The following NEBL variants were observed in gnomAD, a reference collection of about 807,000 sequenced individuals.
NEBL encodes LIM and SH3 protein 2.
NEBL carries 122 observed loss-of-function variants against 140.2 expected under a neutral mutation model. The observed-to-expected ratio is 0.87, with a 90% CI of 0.75 to 1.01. The LOEUF (loss-of-function observed/expected upper bound fraction) is 1.01. Among genes scored for constraint, NEBL ranks in the 50% least tolerant of loss-of-function variants. NEBL has a pLI of 0.00. For synonymous variants in NEBL, 436 were observed against 398.9 expected, an observed-to-expected ratio of 1.09 and a Z score of -1.11; for missense variants, 1,365 against 1,231.3, an observed-to-expected ratio of 1.11 and a Z score of -1.62.
At position 20,783,092 on chromosome 10, in the gene NEBL, C is replaced by G. The variant is rs1004758109; in HGVS notation, c.*2655G>C. The G allele has an allele frequency of 2.0e-5, 3 of 152,576 alleles. No homozygotes were observed. The highest frequency in any genetic ancestry group is 7.2e-5 in the African/African-American group (3 of 41,430). 9.5% of individuals were successfully genotyped at this position (152,576 alleles called of 1,614,324 possible). A position where few individuals can be genotyped will look rare whatever the true frequency, so the allele number is the denominator to read the frequency against. On this transcript the variant is annotated 3_prime_UTR_variant, in exon 28 of 28. Transcript: ENST00000377122. ...AATTTTTAAAATCTTCTTTAGCTGTCAGCTTCATGCACGAGATACCTGTTG... is the reference window on the plus strand; with the variant it reads ...AATTTTTAAAATCTTCTTTAGCTGTGAGCTTCATGCACGAGATACCTGTTG...
At chr10:21,221,610 G>A (rs1265173051) in intron 3 of NEBL, among the ~76,000 whole-genome samples, 1 of 151,868 alleles carries the variant, frequency 6.6e-6, no homozygotes, top group African/African-American at 2.4e-5. Flanking sequence ...GCTCAAGCGA[G>A]TCTCCTGCCT....
intron 1 of NEBL, among the ~76,000 whole-genome samples, chr10:21,172,984 T>C (rs1841148536): frequency 6.6e-6 from 1 of 152,210 alleles, no homozygotes; most frequent in South Asian, 2.1e-4. Flanking sequence ...CTGCCCGGGA[T>C]GACTGTCAGG....
At chr10:21,147,158 A>T (rs1839930137) in intron 2 of NEBL, among the ~76,000 whole-genome samples, 2 of 152,136 alleles carry the variant, frequency 1.3e-5, no homozygotes, top group Admixed American at 6.6e-5. Context: ...TGCGTTTAGG[A>T]CTACATCCAC....
At chr10:21,051,673 T>A (rs959654987) in intron 2 of NEBL, among the ~76,000 whole-genome samples, 3 of 150,930 alleles carry the variant, frequency 2.0e-5, no homozygotes, top group Admixed American at 2.0e-4. Flanking sequence ...ATAATCACTT[T>A]AAGTATAAAT....
chr10:20,944,242 G>A lies in NEBL; in HGVS notation c.357+17430C>T, dbSNP rs1209716920. On this transcript the variant is annotated intron_variant, in intron 4 of 6. Coordinates refer to the NEBL transcript ENST00000417816. ...TGGTGAAACCCCGTCTCTACTATAA[G>A]TACAAAAATTAGCCAGGCCTGGTGA... 2.6e-5 allele frequency among the ~76,000 whole-genome samples: 4 copies of A among 151,942 alleles called. No individual in the cohort carries two copies. The East Asian group carries it at 7.8e-4, about 29-fold the overall frequency.
intron 2 of NEBL, chr10:21,110,642 C>T (rs1001070878): frequency 1.0e-5 from 4 of 384,368 alleles, no homozygotes; most frequent in Non-Finnish European, 1.5e-5. Context: ...CATTTATCTC[C>T]ATCCATCTTC....
rs149878829 is a variant in NEBL, at chr10:20,819,453, C to T, written c.2026G>A (p.Val676Met). 1.7e-5 allele frequency: 28 copies of T among 1,613,908 alleles called. No homozygotes were observed. The African/African-American group carries it at 3.6e-4, about 21-fold the overall frequency. Reference sequence around the variant, plus strand: ...CTCAGCTGCTCCTGGTTTCGCCTCACTCTCTCTATCTCCGGGGTCATGCTT... The same window carrying T: ...CTCAGCTGCTCCTGGTTTCGCCTCATTCTCTCTATCTCCGGGGTCATGCTT... Reference protein sequence around the residue: ...PVSMTPEIERVRRNQEQLSAV... With the variant: ...PVSMTPEIERMRRNQEQLSAV... The change falls in exon 20 of 28, where the codon GTG becomes ATG. Residue 676 changes from valine (V) to methionine (M), a missense_variant. Val to Met is a conservative substitution (Grantham distance 21). Around this residue, in one of 2 missense-constraint regions of NEBL, gnomAD observed 1,323 missense variants for 1,154.8 expected, o/e 1.15. Transcript: ENST00000377122.
At chr10:21,213,850 C>T (rs900125529) in intron 3 of NEBL, among the ~76,000 whole-genome samples, 30 of 152,202 alleles carry the variant, frequency 2.0e-4, no homozygotes, top group Non-Finnish European at 3.2e-4. Flanking sequence ...CTTCCATGTT[C>T]TGTGCCCAGA....
chr10:20,918,846 G>A (rs778825559), intron 4 of NEBL, among the ~76,000 whole-genome samples: 38 of 151,550 alleles, frequency 2.5e-4, no homozygotes, highest in Non-Finnish European at 4.4e-4. Context: ...GCGAGACTCC[G>A]CCTCAAAAAA....
intron 4 of NEBL, among the ~76,000 whole-genome samples, chr10:20,945,921 C>T (rs1835134417): frequency 1.3e-5 from 2 of 152,174 alleles, no homozygotes; most frequent in African/African-American, 4.8e-5. Context: ...ATTCATTTAT[C>T]CTCTCTAAAT....
intron 7 of NEBL, among the ~76,000 whole-genome samples, chr10:20,865,132 T>C (rs1433755681): frequency 1.3e-5 from 2 of 152,152 alleles, no homozygotes; most frequent in Non-Finnish European, 1.5e-5. Flanking sequence ...TCAAATAGGA[T>C]TGTGATGGAA....
At chr10:21,023,519 C>A (rs995446822) in intron 2 of NEBL, among the ~76,000 whole-genome samples, 1 of 151,978 alleles carries the variant, frequency 6.6e-6, no homozygotes, top group Non-Finnish European at 1.5e-5. Context: ...CATGGTGAAA[C>A]CCAGTCTCTA....
chr10:20,795,581 T>A (rs1012970883), intron 26 of NEBL, among the ~76,000 whole-genome samples: 1 of 152,104 alleles, frequency 6.6e-6, no homozygotes, highest in East Asian at 1.9e-4. Context: ...TGTGTGTATG[T>A]CAGATTAATT....
intron 4 of NEBL, among the ~76,000 whole-genome samples, chr10:20,925,795 C>T (rs763466363): frequency 2.6e-5 from 4 of 151,818 alleles, no homozygotes; most frequent in African/African-American, 2.4e-5. Flanking sequence ...TGTCTCATGC[C>T]GGAAAATCTG....
intron 3 of NEBL, among the ~76,000 whole-genome samples, chr10:21,004,283 A>T (rs1015341606): frequency 1.3e-5 from 2 of 152,226 alleles, no homozygotes; most frequent in Non-Finnish European, 2.9e-5. Flanking sequence ...ATGCATCATT[A>T]ATAAAAAAAT....
intron 3 of NEBL, among the ~76,000 whole-genome samples, chr10:20,993,116 A>T (rs150397150): frequency 4.6e-5 from 7 of 152,174 alleles, no homozygotes; most frequent in African/African-American, 1.7e-4. Flanking sequence ...AGTTTTTCAA[A>T]GTCTTTTTAA....
intron 3 of NEBL, among the ~76,000 whole-genome samples, chr10:20,995,993 A>G (rs974592503): frequency 6.6e-6 from 1 of 152,122 alleles, no homozygotes; most frequent in Non-Finnish European, 1.5e-5. Flanking sequence ...AGTACCTTTT[A>G]TAAGATTCCT....
chr10:21,045,484 C>T (rs1212845259), intron 2 of NEBL, among the ~76,000 whole-genome samples: 3 of 152,290 alleles, frequency 2.0e-5, no homozygotes, highest in African/African-American at 7.2e-5. Context: ...AATCAATCTA[C>T]TCTGGTCAAG....
chr10:20,952,917 A>G (rs535338632), intron 4 of NEBL, among the ~76,000 whole-genome samples: 24 of 150,854 alleles, frequency 1.6e-4, no homozygotes, highest in African/African-American at 5.3e-4. Flanking sequence ...AAAAAAAAAA[A>G]AAAAAAAAGA....
Sources: gnomAD v4.1 joint callset for allele counts (sites outside exome capture counted in the v4.1 genomes callset) on GRCh38, gnomAD v4.1.1 for gene constraint, gnomAD v4.1.1 regional missense constraint, MANE v1.5 for transcripts, NCBI Gene and HGNC (gene_info 2026-07-23, HGNC 2026-07-21) for gene names.